ATRNL1: variants seen among roughly 807,000 people sequenced by gnomAD.
ATRNL1 encodes attractin like 1.
In ATRNL1, 95 loss-of-function variants were observed where a neutral mutation model predicts 182.7. The observed-to-expected ratio is 0.52, with a 90% CI of 0.44 to 0.62. The LOEUF is 0.62. Among genes scored for constraint, ATRNL1 ranks in the 20% least tolerant of loss-of-function variants. The probability of loss-of-function intolerance (pLI) is 0.00; values close to 1 mark genes in which losing one functional copy is unlikely to be tolerated. For synonymous variants in ATRNL1, 576 were observed against 568.3 expected (o/e 1.01, Z -0.19); for missense variants, 1,471 against 1,679.5 (o/e 0.88, Z 2.17).
chr10:115,773,208 G>T (rs1469407125), intron 27 of ATRNL1, among the ~76,000 whole-genome samples: 10 of 152,004 alleles, frequency 6.6e-5, no homozygotes, highest in Non-Finnish European at 8.8e-5. Context: ...AGGAAAAGTG[G>T]CAAAAAATCC....
chr10:115,611,833 G>C (rs1342186574), intron 26 of ATRNL1, among the ~76,000 whole-genome samples: 2 of 152,080 alleles, frequency 1.3e-5, no homozygotes, highest in Non-Finnish European at 2.9e-5. Context: ...AACCTCTCCA[G>C]TAAATTTTAA....
At chr10:115,152,897 C>T (rs1268592223) in intron 5 of ATRNL1, among the ~76,000 whole-genome samples, 1 of 151,896 alleles carries the variant, frequency 6.6e-6, no homozygotes, top group African/African-American at 2.4e-5. Context: ...CCATCAATAC[C>T]GAATTTATTG....
rs1951479778 is a variant in ATRNL1, at chr10:115,868,027, G to A, written c.4018+20036G>A. Among the ~76,000 whole-genome samples the A allele has an allele frequency of 2.6e-5, 4 of 152,084 alleles. No homozygotes were observed. In the South Asian group the frequency reaches 8.3e-4, roughly 32 times the overall value. On this transcript the variant is annotated intron_variant, in intron 28 of 28. Transcript: ENST00000355044. Reference sequence around the variant, plus strand: ...TATCCATCTGCCTCAGCCTCCCAAAGTGCTGGGATTACAGGCTTAAGCCAC... The same window carrying A: ...TATCCATCTGCCTCAGCCTCCCAAAATGCTGGGATTACAGGCTTAAGCCAC...
At chr10:115,629,302 C>A (rs1555025680) in intron 26 of ATRNL1, among the ~76,000 whole-genome samples, 1 of 152,126 alleles carries the variant, frequency 6.6e-6, no homozygotes, top group African/African-American at 2.4e-5. Context: ...AATTTAAGTT[C>A]AGTCTGATAA....
intron 5 of ATRNL1, among the ~76,000 whole-genome samples, chr10:115,155,939 G>C (rs1554881946): frequency 6.6e-6 from 1 of 151,984 alleles, no homozygotes; most frequent in South Asian, 2.1e-4. Context: ...GGGTATCGTG[G>C]GGTGCTAGAA....
intron 19 of ATRNL1, among the ~76,000 whole-genome samples, chr10:115,380,930 A>C (rs1276481011): frequency 1.3e-5 from 2 of 152,198 alleles, no homozygotes; most frequent in African/African-American, 4.8e-5. Flanking sequence ...GGTTATATGT[A>C]AATTTTATGT....
At chr10:115,898,692 C>G (rs958589668) in intron 28 of ATRNL1, among the ~76,000 whole-genome samples, 1 of 152,206 alleles carries the variant, frequency 6.6e-6, no homozygotes, top group Admixed American at 6.5e-5. Context: ...CAGGGACCAC[C>G]TGAATCCTGG....
At chr10:115,127,565 T>TAG in intron 3 of ATRNL1, 28 bp from the exon 4 acceptor site, 2 of 1,583,944 alleles carry the variant, frequency 1.3e-6, no homozygotes, top group Non-Finnish European at 1.7e-6. Flanking sequence ...TATCTATACA[T>TAG]ACAATATTCA....
At chr10:115,669,351 AGAGTAT>A (rs1945620472) in intron 26 of ATRNL1, among the ~76,000 whole-genome samples, 1 of 152,158 alleles carries the variant, frequency 6.6e-6, no homozygotes, top group South Asian at 2.1e-4. Flanking sequence ...CACTAGAGTT[AGAGTAT>A]ATCTAGATAT....
chr10:115,809,536 A>G (rs1451910581), intron 27 of ATRNL1, among the ~76,000 whole-genome samples: 1 of 151,980 alleles, frequency 6.6e-6, no homozygotes, highest in Non-Finnish European at 1.5e-5. Context: ...ATAAATTTGT[A>G]CCTAAATTTT....
intron 25 of ATRNL1, among the ~76,000 whole-genome samples, chr10:115,535,846 G>T (rs905162061): frequency 6.6e-6 from 1 of 152,036 alleles, no homozygotes; most frequent in Non-Finnish European, 1.5e-5. Context: ...GTCAGCTGCA[G>T]GTCTGTTGGA....
At chr10:115,515,248 C>T (rs371225754) in intron 24 of ATRNL1, among the ~76,000 whole-genome samples, 11 of 151,426 alleles carry the variant, frequency 7.3e-5, no homozygotes, top group Admixed American at 2.0e-4. Flanking sequence ...GTCATTTACC[C>T]GTACCAGTTT....
intron 8 of ATRNL1, among the ~76,000 whole-genome samples, chr10:115,201,045 C>T (rs1848554664): frequency 6.7e-6 from 1 of 148,872 alleles, no homozygotes; most frequent in South Asian, 2.1e-4. Flanking sequence ...AGTGTCTGTT[C>T]ATACCCTTTG....
intron 26 of ATRNL1, among the ~76,000 whole-genome samples, chr10:115,571,228 A>G (rs1280360652): frequency 6.6e-6 from 1 of 152,178 alleles, no homozygotes; most frequent in Non-Finnish European, 1.5e-5. Context: ...CACCTGTATT[A>G]TATTGGCAAA....
chr10:115,234,709 G>A (rs926425370), intron 9 of ATRNL1, among the ~76,000 whole-genome samples: 2 of 150,190 alleles, frequency 1.3e-5, no homozygotes, highest in Non-Finnish European at 3.0e-5. Flanking sequence ...TCTCACTTTA[G>A]ACTCCCGAGT....
At chr10:115,671,017 T>C (rs906327879) in intron 26 of ATRNL1, among the ~76,000 whole-genome samples, 1 of 152,118 alleles carries the variant, frequency 6.6e-6, no homozygotes, top group East Asian at 1.9e-4. Flanking sequence ...TGAATATATA[T>C]TCTGTGGTAG....
At chr10:115,176,389 T>C (rs1847508398) in intron 8 of ATRNL1, among the ~76,000 whole-genome samples, 2 of 152,274 alleles carry the variant, frequency 1.3e-5, no homozygotes, top group African/African-American at 4.8e-5. Context: ...CATGCCTATG[T>C]CCTGTGAATT....
At chr10:115,468,808 C>T (rs1848176625) in intron 23 of ATRNL1, among the ~76,000 whole-genome samples, 1 of 150,624 alleles carries the variant, frequency 6.6e-6, no homozygotes, top group African/African-American at 2.4e-5. Context: ...TACCTGAGTT[C>T]CAACTGCTTA....
chr10:115,752,247 G>A (rs1262226498), intron 27 of ATRNL1, among the ~76,000 whole-genome samples: 2 of 152,074 alleles, frequency 1.3e-5, no homozygotes, highest in African/African-American at 2.4e-5. Context: ...TAATTATACT[G>A]CAAGGAAGAT....
Sources: gnomAD v4.1 joint callset for allele counts (sites outside exome capture counted in the v4.1 genomes callset) on GRCh38, gnomAD v4.1.1 for gene constraint, MANE v1.5 for transcripts, NCBI Gene and HGNC (gene_info 2026-07-23, HGNC 2026-07-21) for gene names.